Variants in DHX32 observed in about 807,000 individuals in gnomAD.
DHX32 encodes the protein DEAH-box helicase 32 (putative).
A neutral mutation model predicts 70.0 loss-of-function variants in DHX32; 51 were observed. That is an observed-to-expected ratio of 0.73 (90% CI 0.58 to 0.92). The LOEUF (loss-of-function observed/expected upper bound fraction) is 0.92, where lower values mean the gene tolerates loss of function less well. Among genes scored for constraint, DHX32 ranks in the 40% least tolerant of loss-of-function variants. The pLI is 0.00. For missense variants in DHX32, 762 were observed against 891.8 expected, an observed-to-expected ratio of 0.85 and a Z score of 1.85; for synonymous variants, 310 against 315.3, an observed-to-expected ratio of 0.98 and a Z score of 0.18.
intron 6 of DHX32, 94 bp from the exon 7 acceptor site, chr10:125,842,028 A>G: frequency 7.3e-7 from 1 of 1,378,498 alleles, no homozygotes; most frequent in South Asian, 1.7e-5. Flanking sequence ...AAACAAGCAA[A>G]CAATGGACAA....
chr10:125,874,623 G>A (rs1441332716), intron 1 of DHX32, among the ~76,000 whole-genome samples: 1 of 152,168 alleles, frequency 6.6e-6, no homozygotes, highest in Non-Finnish European at 1.5e-5. Context: ...TGTTCAATCT[G>A]AGAACAGGTA....
Position 125,852,153 on chromosome 10 carries a change from A to G in DHX32, c.1351+140T>C, listed in dbSNP as rs542047756. On this transcript the variant is annotated intron_variant, in intron 6 of 10. Transcript: ENST00000284690. ...CCTTCAGAGAATGTTTACCTCTAGC[A>G]GGAAAATGCTTCAGTCCAAACCAAC... The G allele has an allele frequency of 6.8e-6, 7 of 1,028,142 alleles. No individual in the cohort carries two copies. The South Asian group carries it at 1.2e-4, about 18-fold the overall frequency. The allele number at this position is 1,028,142 out of a possible 1,614,324, so 63.7% of individuals were successfully genotyped here.
At chr10:125,858,823 G>T (rs1313002329) in intron 3 of DHX32, among the ~76,000 whole-genome samples, 1 of 152,082 alleles carries the variant, frequency 6.6e-6, no homozygotes, top group Non-Finnish European at 1.5e-5. Flanking sequence ...TAATTCTGGA[G>T]ATCCTGGAGG....
At chr10:125,860,051 CTTT>C in intron 2 of DHX32, 76 bp from the exon 3 acceptor site, 1 of 1,312,046 alleles carries the variant, frequency 7.6e-7, no homozygotes, top group Non-Finnish European at 1.0e-6. Flanking sequence ...AGAAAAATGC[CTTT>C]CCTATATTCA....
At position 125,894,437 on chromosome 10, in the gene DHX32, C is replaced by T. The variant is rs1278959475; in HGVS notation, c.-248+1781G>A. Reference sequence around the variant, plus strand: ...TTTACGCCTGACTTCCACTCCTAACCAGTCTTCTTTCACAGGTACCCTGTC... The same window carrying T: ...TTTACGCCTGACTTCCACTCCTAACTAGTCTTCTTTCACAGGTACCCTGTC... On this transcript the variant is annotated intron_variant, in intron 1 of 2. Coordinates refer to the DHX32 transcript ENST00000415732. 2.0e-5 allele frequency among the ~76,000 whole-genome samples: 3 copies of T among 152,218 alleles called. No homozygotes were observed. In the East Asian group the frequency reaches 5.8e-4, roughly 29 times the overall value.
chr10:125,854,355 A>C, intron 3 of DHX32, 152 bp from the exon 4 acceptor site: 1 of 598,628 alleles, frequency 1.7e-6, no homozygotes, highest in Non-Finnish European at 2.6e-6. Flanking sequence ...TCTTTAAATA[A>C]GTAAAGATGC....
chr10:125,839,478 G>A (rs1429437026), intron 8 of DHX32, among the ~76,000 whole-genome samples: 2 of 152,208 alleles, frequency 1.3e-5, no homozygotes, highest in East Asian at 3.9e-4. Flanking sequence ...GACTGAAGAT[G>A]TATTTCACTA....
intron 1 of DHX32, among the ~76,000 whole-genome samples, chr10:125,888,055 C>G (rs61870710): frequency 6.6e-6 from 1 of 152,132 alleles, no homozygotes; most frequent in African/African-American, 2.4e-5. Flanking sequence ...AAAAATAAAT[C>G]TGTCTCATGA....
intron 1 of DHX32, among the ~76,000 whole-genome samples, chr10:125,868,393 T>C (rs2134062595): frequency 1.3e-5 from 2 of 152,354 alleles, no homozygotes; most frequent in South Asian, 4.1e-4. Flanking sequence ...TCTTGAGGTC[T>C]GCTATTTATG....
chr10:125,853,011 G>C, intron 4 of DHX32: 1 of 762,312 alleles, frequency 1.3e-6, no homozygotes, highest in Non-Finnish European at 2.2e-6. Flanking sequence ...TTATAGTTTT[G>C]TTCAAATCAA....
intron 6 of DHX32, among the ~76,000 whole-genome samples, chr10:125,847,986 T>A (rs1485492925): frequency 6.6e-6 from 1 of 152,184 alleles, no homozygotes; most frequent in Non-Finnish European, 1.5e-5. Flanking sequence ...CACGAACTGG[T>A]ACCCATCACT....
intron 2 of DHX32, among the ~76,000 whole-genome samples, chr10:125,861,667 G>T (rs1009264729): frequency 1.3e-5 from 2 of 152,178 alleles, no homozygotes; most frequent in Non-Finnish European, 2.9e-5. Flanking sequence ...CCCTGGTAGG[G>T]CACCATTTCA....
At chr10:125,877,522 A>C (rs1944291488) in intron 1 of DHX32, among the ~76,000 whole-genome samples, 1 of 152,114 alleles carries the variant, frequency 6.6e-6, no homozygotes, top group African/African-American at 2.4e-5. Flanking sequence ...CCCTGACTCT[A>C]CTAAAAATAC....
At chr10:125,855,177 G>A (rs1328915822) in intron 3 of DHX32, among the ~76,000 whole-genome samples, 2 of 150,592 alleles carry the variant, frequency 1.3e-5, no homozygotes, top group Non-Finnish European at 3.0e-5. Flanking sequence ...AGCCGAGATC[G>A]TGCCACTGCA....
intron 6 of DHX32, among the ~76,000 whole-genome samples, chr10:125,851,867 G>A (rs2134043449): frequency 7.0e-6 from 1 of 142,968 alleles, no homozygotes; most frequent in Middle Eastern, 4.0e-3. Flanking sequence ...GTTGCAGTGA[G>A]CTATGATCAC....
Position 125,836,444 on chromosome 10 carries a change from T to G in DHX32, c.*243A>C. On this transcript the variant is annotated 3_prime_UTR_variant, in exon 11 of 11. Coordinates refer to ENST00000284690, the MANE Select transcript of DHX32 (RefSeq NM_018180.3). Reference sequence around the variant, plus strand: ...ACAAAATACCAGTTTTTTAAAATTTTGGTCAAATTATGAGTGGTTGATTTA... The same window carrying G: ...ACAAAATACCAGTTTTTTAAAATTTGGGTCAAATTATGAGTGGTTGATTTA... 1 of 1,432,496 alleles carries G rather than the reference T, an allele frequency of 7.0e-7. No individual in the cohort carries two copies. Among genetic ancestry groups the G allele is most frequent in the Non-Finnish European group, 9.1e-7 (1 of 1,099,870 alleles). 88.7% of individuals were successfully genotyped at this position (1,432,496 alleles called of 1,614,324 possible). A position where few individuals can be genotyped will look rare whatever the true frequency, so the allele number is the denominator to read the frequency against.
At position 125,851,207 on chromosome 10, in the gene DHX32, C is replaced by G. The variant is rs898588654; in HGVS notation, c.1351+1086G>C. Among the ~76,000 whole-genome samples, 5 of 152,200 alleles carry G rather than the reference C, an allele frequency of 3.3e-5. No individual in the cohort carries two copies. The East Asian group carries it at 9.6e-4, about 29-fold the overall frequency. On this transcript the variant is annotated intron_variant, in intron 6 of 10. Coordinates refer to ENST00000284690, the MANE Select transcript of DHX32 (RefSeq NM_018180.3). Reference sequence around the variant, plus strand: ...AATTAAATGCAGCAGCTGCGAGCATCTTTTTCTTTTTTTGCTTCCAAAACA... The same window carrying G: ...AATTAAATGCAGCAGCTGCGAGCATGTTTTTCTTTTTTTGCTTCCAAAACA...
Position 125,870,992 on chromosome 10 carries a change from C to T in DHX32, c.283-3809G>A, listed in dbSNP as rs76440689. ...CCAGTTTTATTAAAACATTTGGACA[C>T]GTTCAGCCTGGTTATTCATATAAGG... On this transcript the variant is annotated intron_variant, in intron 1 of 10. Coordinates refer to ENST00000284690, the MANE Select transcript of DHX32 (RefSeq NM_018180.3). Among the ~76,000 whole-genome samples, 1,145 of 152,268 alleles carry T rather than the reference C, an allele frequency of 7.5e-3. 10 individuals carry two copies. The highest frequency in any genetic ancestry group is 0.013 in the Non-Finnish European group (862 of 68,026).
In DHX32 at chr10:125,841,944, GA is replaced by G; in HGVS notation, c.1352-11del. 1 of 1,570,288 alleles carries G rather than the reference GA, an allele frequency of 6.4e-7. No individual in the cohort carries two copies. The highest frequency in any genetic ancestry group is 8.6e-7 in the Non-Finnish European group (1 of 1,166,328). On this transcript the variant is annotated splice_polypyrimidine_tract_variant and intron_variant, in intron 6 of 10. Transcript: ENST00000284690. ...ATCAAACTTTCTGGTGCTAGGAAAG[GA>G]AAAAAATAATAATTTAAGAGTCTCA...
Sources: allele counts gnomAD v4.1 joint callset (sites outside exome capture counted in the v4.1 genomes callset), GRCh38; gene constraint gnomAD v4.1.1; transcripts MANE v1.5; gene names NCBI Gene and HGNC (gene_info 2026-07-23, HGNC 2026-07-21).